The following WDFY3 variants were observed in gnomAD, a reference collection of about 807,000 sequenced individuals.
WDFY3 encodes WD repeat and FYVE domain-containing protein 3.
A neutral mutation model predicts 409.6 loss-of-function variants in WDFY3; 66 were observed. That is an observed-to-expected ratio of 0.16 (90% confidence interval 0.13 to 0.20). WDFY3 has a LOEUF of 0.20. Ranked by LOEUF, WDFY3 falls within the 10% of genes least tolerant of loss-of-function variation. The pLI, the probability that WDFY3 is intolerant of heterozygous loss-of-function variation, is 1.00. For synonymous variants in WDFY3, 1,521 were observed against 1,537.1 expected (o/e 0.99, Z 0.25); for missense variants, 3,031 against 4,298.1 (o/e 0.71, Z 8.24).
At chr4:84,723,798 CTG>C (rs971125051) in intron 46 of WDFY3, among the ~76,000 whole-genome samples, 1 of 152,140 alleles carries the variant, frequency 6.6e-6, no homozygotes, top group African/African-American at 2.4e-5. Context: ...GAGTTTAAGA[CTG>C]AGTAGGATGT....
intron 30 of WDFY3, among the ~76,000 whole-genome samples, chr4:84,770,385 A>G (rs1389801684): frequency 6.6e-6 from 1 of 152,216 alleles, no homozygotes; most frequent in African/African-American, 2.4e-5. Context: ...AGACTACAGT[A>G]TAGTGTAAAC....
chr4:84,718,527 G>GT lies in WDFY3; in HGVS notation c.7648dup (p.Thr2550AsnfsTer3). On this transcript the variant is annotated frameshift_variant, in exon 48 of 68. Coordinates refer to ENST00000295888, the MANE Select transcript of WDFY3 (RefSeq NM_014991.6). LOFTEE classifies it high-confidence loss of function. ...ACCAAAAAGAAGGAGCCCCTCACTG[G>GT]TATCTAGGCCCTGGACTCGAGCACA... The GT allele has an allele frequency of 6.2e-7, 1 of 1,613,968 alleles. No homozygotes were observed.
intron 3 of WDFY3, among the ~76,000 whole-genome samples, chr4:84,877,152 C>T (rs1578939375): frequency 6.6e-6 from 1 of 152,162 alleles, no homozygotes; most frequent in African/African-American, 2.4e-5. Flanking sequence ...CCTGCATAGG[C>T]CTGACGTTCT....
At position 84,912,247 on chromosome 4, in the gene WDFY3, C is replaced by T. The variant is rs1041551839; in HGVS notation, c.-131-15237G>A. 1.2e-4 allele frequency among the ~76,000 whole-genome samples: 18 copies of T among 152,266 alleles called. 1 individual carries two copies. Among genetic ancestry groups the T allele is most frequent in the Admixed American group, 1.0e-3 (16 of 15,298 alleles). On this transcript the variant is annotated intron_variant, in intron 2 of 67. Transcript: ENST00000295888. ...CAAGGAAAAGTTGAATTGCTTGATA[C>T]GTACCTTAGATTGAGGTCTGCAGGT...
chr4:84,780,766 AAAATAAAT>A (rs370562593), intron 25 of WDFY3, among the ~76,000 whole-genome samples: 30 of 151,356 alleles, frequency 2.0e-4, no homozygotes, highest in East Asian at 7.7e-4. Context: ...TCCCTCTCAA[AAAATAAAT>A]AAATAAATAA....
chr4:84,926,207 A>C (rs1769966999), intron 2 of WDFY3, among the ~76,000 whole-genome samples: 1 of 147,006 alleles, frequency 6.8e-6, no homozygotes, highest in African/African-American at 2.5e-5. Context: ...TCCGTCTCTA[A>C]AAGAAAAAAA....
chr4:84,917,242 C>G (rs1768624726), intron 2 of WDFY3, among the ~76,000 whole-genome samples: 1 of 152,074 alleles, frequency 6.6e-6, no homozygotes, highest in Non-Finnish European at 1.5e-5. Context: ...GTTACAGAAG[C>G]CTAAAAGAGG....
chr4:84,769,123 G>A (rs960064735), intron 30 of WDFY3, among the ~76,000 whole-genome samples: 130 of 152,340 alleles, frequency 8.5e-4, no homozygotes, highest in African/African-American at 3.0e-3. Context: ...AACTTTAACA[G>A]ATGAGAAGCT....
In WDFY3 at chr4:84,671,204, A is replaced by G. The variant is rs966336828; in HGVS notation, c.*1664T>C. The G allele has an allele frequency of 1.3e-5, 2 of 152,548 alleles. No homozygotes were observed. The highest frequency in any genetic ancestry group is 4.8e-5 in the African/African-American group (2 of 41,440). The allele number at this position is 152,548 out of a possible 1,614,324, so 9.4% of individuals were successfully genotyped here. On this transcript the variant is annotated 3_prime_UTR_variant, in exon 68 of 68. Coordinates refer to ENST00000295888, the MANE Select transcript of WDFY3 (RefSeq NM_014991.6). Reference sequence around the variant, plus strand: ...AAGATCACCATTGTACCAAATGCCTATTTTTGAATGCATGTGCATATATGT... The same window carrying G: ...AAGATCACCATTGTACCAAATGCCTGTTTTTGAATGCATGTGCATATATGT...
Position 84,708,947 on chromosome 4 carries a change from G to A in WDFY3, c.8179C>T (p.Pro2727Ser), listed in dbSNP as rs757049581. The change falls in exon 53 of 68, where the codon CCT becomes TCT. Residue 2727 changes from proline to serine, a missense_variant. Coordinates refer to ENST00000295888, the MANE Select transcript of WDFY3 (RefSeq NM_014991.6). ...GRSYNDLMQYPVFPWILADYD... is the reference protein window; with the variant it reads ...GRSYNDLMQYSVFPWILADYD... ...TCTGCAAGGATCCAGGGGAAGACAG[G>A]ATACTGCATGAGATCATTATATGAT... 6.2e-7 allele frequency: 1 copy of A among 1,614,016 alleles called. No individual in the cohort carries two copies. The highest frequency in any genetic ancestry group is 8.5e-7 in the Non-Finnish European group (1 of 1,179,942).
rs189109213 is a variant in WDFY3, at chr4:84,964,926, A to T, written c.-226+1283T>A. On this transcript the variant is annotated intron_variant, in intron 1 of 67. Transcript: ENST00000295888. The stretch of plus-strand genomic sequence containing the variant: ...TGAGATAGAATGGTTCAAAGTATTA[A>T]CATACTTTACTATTGCTCAAATATC... Among the ~76,000 whole-genome samples the T allele has an allele frequency of 1.3e-4, 20 of 152,338 alleles. No individual in the cohort carries two copies. In the East Asian group the frequency reaches 2.3e-3, roughly 18 times the overall value.
intron 30 of WDFY3, among the ~76,000 whole-genome samples, chr4:84,769,981 G>A (rs1172171677): frequency 2.0e-5 from 3 of 151,824 alleles, no homozygotes; most frequent in African/African-American, 4.8e-5. Context: ...TGAAGGCTCA[G>A]ATGATTGTTA....
chr4:84,792,076 CAAGTA>C (rs1481600439), intron 21 of WDFY3, among the ~76,000 whole-genome samples: 6 of 151,874 alleles, frequency 4.0e-5, no homozygotes, highest in Non-Finnish European at 7.4e-5. Context: ...CATGTACAAA[CAAGTA>C]AATATACTGA....
At position 84,821,425 on chromosome 4, in the gene WDFY3, T is replaced by C; in HGVS notation, c.1250A>G (p.Asn417Ser). ...GTGCTGTGACTCTAGGATGAAGTAATTGGCATTGTCAGCCATGTAAATATT... is the reference window on the plus strand; with the variant it reads ...GTGCTGTGACTCTAGGATGAAGTAACTGGCATTGTCAGCCATGTAAATATT... ...ITNIYMADNA[N>S]YFILESQHTL... Residue 417 changes from asparagine (N) to serine (S), a missense_variant, in exon 11 of 68, where the codon AAT becomes AGT. Asn to Ser is a conservative substitution (Grantham distance 46). Transcript: ENST00000295888. The C allele has an allele frequency of 2.5e-6, 4 of 1,613,948 alleles. No homozygotes were observed. The highest frequency in any genetic ancestry group is 3.4e-6 in the Non-Finnish European group (4 of 1,179,874).
rs563171336 is a variant in WDFY3 at position 84,788,865 on chromosome 4, C to T, written c.3669+861G>A. Reference sequence around the variant, plus strand: ...TGAAACCCCATCTCTACTAAAAATACAAAAATTAGCCACGTGTGGTGGCAC... The same window carrying T: ...TGAAACCCCATCTCTACTAAAAATATAAAAATTAGCCACGTGTGGTGGCAC... On this transcript the variant is annotated intron_variant, in intron 22 of 67. Coordinates refer to ENST00000295888, the MANE Select transcript of WDFY3 (RefSeq NM_014991.6). Among the ~76,000 whole-genome samples, 4 of 152,092 alleles carry T rather than the reference C, an allele frequency of 2.6e-5. No homozygotes were observed. The South Asian group carries it at 8.3e-4, about 32-fold the overall frequency.
At position 84,740,406 on chromosome 4, in the gene WDFY3, C is replaced by A. The variant is rs1223052646; in HGVS notation, c.6245G>T (p.Arg2082Ile). ...TGCATCCAGTGACAATCCCTGTGAT[C>A]TTCTCTTTGACTAAAGACATGAAAG... ...IIQLIAQSKR[R>I]SQGLSLDAVY... Residue 2082 changes from arginine (R) to isoleucine (I), a missense_variant, in exon 39 of 68, where the codon AGA becomes ATA. Physicochemically the swap from Arg to Ile is moderately conservative, Grantham distance 97. Coordinates refer to ENST00000295888, the MANE Select transcript of WDFY3 (RefSeq NM_014991.6). 1.2e-6 allele frequency: 2 copies of A among 1,613,962 alleles called. No homozygotes were observed. The highest frequency in any genetic ancestry group is 2.2e-5 in the East Asian group (1 of 44,884).
Position 84,966,541 on chromosome 4 carries a change from G to C in WDFY3, c.-558C>G, listed in dbSNP as rs1318518589. On this transcript the variant is annotated 5_prime_UTR_variant, in exon 1 of 68. Coordinates refer to ENST00000295888, the MANE Select transcript of WDFY3 (RefSeq NM_014991.6). The stretch of plus-strand genomic sequence containing the variant: ...CCGCCGCCGCCGCCTCAGCCTCGGC[G>C]CTCCTCGGGTTTCTTCTCTCCATCA... 1 of 157,062 alleles carries C rather than the reference G, an allele frequency of 6.4e-6. No individual in the cohort carries two copies. Among genetic ancestry groups the C allele is most frequent in the Non-Finnish European group, 1.4e-5 (1 of 70,322 alleles). The allele number at this position is 157,062 out of a possible 1,614,324, so 9.7% of individuals were successfully genotyped here.
chr4:84,791,780 G>T (rs1413490355), intron 21 of WDFY3, among the ~76,000 whole-genome samples: 3 of 152,050 alleles, frequency 2.0e-5, no homozygotes, highest in Non-Finnish European at 4.4e-5. Flanking sequence ...TTTGTCCCAC[G>T]TATATAAATA....
chr4:84,704,297 G>C, intron 55 of WDFY3, 41 bp downstream of exon 55: 1 of 1,398,314 alleles, frequency 7.2e-7, no homozygotes, highest in Non-Finnish European at 9.9e-7. Flanking sequence ...GATAGAAGTA[G>C]GCTTGTATAA....
Sources: gnomAD v4.1 joint callset for allele counts (sites outside exome capture counted in the v4.1 genomes callset) on GRCh38, gnomAD v4.1.1 for gene constraint, MANE v1.5 for transcripts, NCBI Gene and HGNC (gene_info 2026-07-23, HGNC 2026-07-21) for gene names.